Variants in VPS52 observed in about 807,000 individuals in gnomAD.
VPS52 encodes the protein vacuolar protein sorting-associated protein 52 homolog.
VPS52 carries 56 observed loss-of-function variants against 98.7 expected under a neutral mutation model. The observed-to-expected ratio is 0.57, with a 90% CI of 0.46 to 0.71. The LOEUF (loss-of-function observed/expected upper bound fraction) is 0.71. VPS52 is among the 30% of genes least tolerant of loss of function. The probability of loss-of-function intolerance (pLI) is 0.00; values close to 1 mark genes in which losing one functional copy is unlikely to be tolerated. For missense variants in VPS52, 742 were observed against 925.9 expected (o/e 0.80, Z 2.58); for synonymous variants, 348 against 346.4 (o/e 1.00, Z -0.05).
rs1397389416 is a variant in VPS52, at chr6:33,267,543, G to A, written c.991+139C>T. 8.2e-7 allele frequency: 1 copy of A among 1,223,418 alleles called. No individual in the cohort carries two copies. The highest frequency in any genetic ancestry group is 1.2e-6 in the Non-Finnish European group (1 of 867,760). 75.8% of individuals were successfully genotyped at this position (1,223,418 alleles called of 1,614,324 possible). On this transcript the variant is annotated intron_variant, in intron 10 of 19. Transcript: ENST00000445902. This position sits in a 1 kb window ranked among gnomAD's most constrained non-coding sequence, Gnocchi z 4.2. ...AAAATAATGTGTGCATCTTTCTGGGGAGGGAGGCTATAGCTTTCATCACAT... is the reference window on the plus strand; with the variant it reads ...AAAATAATGTGTGCATCTTTCTGGGAAGGGAGGCTATAGCTTTCATCACAT...
At position 33,267,732 on chromosome 6, in the gene VPS52, T is replaced by C; in HGVS notation, c.941A>G (p.Glu314Gly). The change falls in exon 10 of 20, where the codon GAA (glutamate) becomes GGA (glycine). Residue 314 changes from glutamate to glycine, a missense_variant. Physicochemically the swap from Glu to Gly is moderately conservative, Grantham distance 98. Around this residue, in one of 2 missense-constraint regions of VPS52, gnomAD observed 590 missense variants for 793.3 expected, o/e 0.74. Transcript: ENST00000445902. This position sits in a 1 kb window ranked among gnomAD's most constrained non-coding sequence, Gnocchi z 4.2. ...CATTAGATCATCTTTCTCAGCGACT[T>C]CCTCATACTAAGGAAAGAGAAAAGA... The part of the protein sequence containing the change: ...LGRLMKVQYE[E>G]VAEKDDLMGV... 1 of 1,612,988 alleles carries C rather than the reference T, an allele frequency of 6.2e-7. No homozygotes were observed. The highest frequency in any genetic ancestry group is 8.5e-7 in the Non-Finnish European group (1 of 1,180,024).
At position 33,250,712 on chromosome 6, in the gene VPS52, G is replaced by C; in HGVS notation, c.*129C>G. 1.6e-6 allele frequency: 2 copies of C among 1,272,432 alleles called. No homozygotes were observed. The highest frequency in any genetic ancestry group is 2.2e-6 in the Non-Finnish European group (2 of 919,762). 78.8% of individuals were successfully genotyped at this position (1,272,432 alleles called of 1,614,324 possible). ...GGCAAGGTGCTGGGAGTGAAGGCAG[G>C]TAAGCCATGTCAAGGGCCTGGGAAG... On this transcript the variant is annotated 3_prime_UTR_variant, in exon 20 of 20. Coordinates refer to ENST00000445902, the MANE Select transcript of VPS52 (RefSeq NM_022553.6).
At chr6:33,255,763 T>C (rs1581561347) in intron 17 of VPS52, among the ~76,000 whole-genome samples, 1 of 134,680 alleles carries the variant, frequency 7.4e-6, no homozygotes, top group Non-Finnish European at 1.5e-5. Flanking sequence ...ACTGCACCAC[T>C]CCAGCCTGGG....
At chr6:33,252,572 G>A (rs1258873801) in intron 17 of VPS52, among the ~76,000 whole-genome samples, 5 of 118,576 alleles carry the variant, frequency 4.2e-5, no homozygotes, top group African/African-American at 1.7e-4. Flanking sequence ...CTGGATGACA[G>A]AGCAAGACTC....
At chr6:33,265,992 G>T (rs997127637) in intron 12 of VPS52, among the ~76,000 whole-genome samples, 1 of 151,248 alleles carries the variant, frequency 6.6e-6, no homozygotes, top group Non-Finnish European at 1.5e-5. Flanking sequence ...TCAGCCTCCC[G>T]AGTAGCTGGG....
upstream of VPS52, chr6:33,271,946 T>A: frequency 9.5e-7 from 1 of 1,049,518 alleles, no homozygotes. Flanking sequence ...CACCGGAAGT[T>A]GTGGTACCCA....
In VPS52 at chr6:33,267,305, T is replaced by C; in HGVS notation, c.1008A>G (p.Pro336=). 6.3e-6 allele frequency: 10 copies of C among 1,594,532 alleles called. No individual in the cohort carries two copies. Among genetic ancestry groups the C allele is most frequent in the Non-Finnish European group, 8.5e-6 (10 of 1,170,802 alleles). ...AAATGGTGTTCCTGCTGCGGAGCGA[T>C]GGCTTTGAGAAGAATCGTAAGATGG... The part of the protein sequence containing the change: ...DTAKKGFFSK[P]SLRSRNTIFT... Residue 336 remains proline (P), a synonymous_variant, in exon 11 of 20, where the codon CCA becomes CCG. Coordinates refer to ENST00000445902, the MANE Select transcript of VPS52 (RefSeq NM_022553.6). The surrounding 1 kb of genome is among the most constrained non-coding windows in gnomAD (Gnocchi z 4.2).
chr6:33,257,556 G>A (rs927350054), intron 17 of VPS52, among the ~76,000 whole-genome samples: 6 of 151,956 alleles, frequency 3.9e-5, no homozygotes, highest in African/African-American at 9.7e-5. Flanking sequence ...GCATCACCAC[G>A]CCCAGCTAAT....
rs192870919 is a variant in VPS52, at chr6:33,266,996, C to T, written c.1125+192G>A. Among the ~76,000 whole-genome samples, 452 of 152,288 alleles carry T rather than the reference C, an allele frequency of 3.0e-3. 2 individuals carry two copies. The highest frequency in any genetic ancestry group is 6.8e-3 in the Middle Eastern group (2 of 292). ...CCCCTCATCCAGTCTCTCCCCTCTGCATGCCCTTAAGTCAATGGTTCCCAG... is the reference window on the plus strand; with the variant it reads ...CCCCTCATCCAGTCTCTCCCCTCTGTATGCCCTTAAGTCAATGGTTCCCAG... On this transcript the variant is annotated intron_variant, in intron 11 of 19. Coordinates refer to ENST00000445902, the MANE Select transcript of VPS52 (RefSeq NM_022553.6).
Position 33,269,003 on chromosome 6 carries a change from T to C in VPS52, c.548+11A>G, listed in dbSNP as rs1764671708. ...CTATGGACATTATAACCCTTCAAAC[T>C]GGTAACTCACGTGACCAGAGCAGAA... is the stretch of plus-strand genomic sequence containing the variant. On this transcript the variant is annotated intron_variant, in intron 6 of 19. Transcript: ENST00000445902. The C allele has an allele frequency of 6.2e-7, 1 of 1,611,510 alleles. No individual in the cohort carries two copies. The highest frequency in any genetic ancestry group is 1.7e-5 in the Admixed American group (1 of 59,996).
Position 33,268,052 on chromosome 6 carries a change from C to T in VPS52, c.801-55G>A. On this transcript the variant is annotated intron_variant, in intron 8 of 19. Coordinates refer to ENST00000445902, the MANE Select transcript of VPS52 (RefSeq NM_022553.6). The surrounding 1 kb of genome is among the most constrained non-coding windows in gnomAD (Gnocchi z 4.0). ...TGTCTCCCAAGAAACCAGATGCCCA[C>T]ACTAGGCCGCTCAAAAACTCAAAGG... 5.6e-6 allele frequency: 9 copies of T among 1,612,974 alleles called. No homozygotes were observed. The highest frequency in any genetic ancestry group is 6.8e-6 in the Non-Finnish European group (8 of 1,179,960).
At chr6:33,257,778 C>T (rs917374567) in intron 17 of VPS52, among the ~76,000 whole-genome samples, 9 of 152,058 alleles carry the variant, frequency 5.9e-5, no homozygotes, top group African/African-American at 9.7e-5. Context: ...GAGGCTGATG[C>T]GGGAGGATCA....
In VPS52 at chr6:33,250,722, T is replaced by C; in HGVS notation, c.*119A>G. On this transcript the variant is annotated 3_prime_UTR_variant, in exon 20 of 20. Coordinates refer to ENST00000445902, the MANE Select transcript of VPS52 (RefSeq NM_022553.6). ...TGGGAGTGAAGGCAGGTAAGCCATG[T>C]CAAGGGCCTGGGAAGCAAGGGGAAA... 1 of 1,397,808 alleles carries C rather than the reference T, an allele frequency of 7.2e-7. No individual in the cohort carries two copies. Among genetic ancestry groups the C allele is most frequent in the Non-Finnish European group, 9.7e-7 (1 of 1,028,026 alleles). The allele number at this position is 1,397,808 out of a possible 1,614,324, so 86.6% of individuals were successfully genotyped here. A position where few individuals can be genotyped will look rare whatever the true frequency, so the allele number is the denominator to read the frequency against.
chr6:33,254,349 A>G (rs535288625), intron 17 of VPS52, among the ~76,000 whole-genome samples: 1 of 152,270 alleles, frequency 6.6e-6, no homozygotes, highest in Admixed American at 6.5e-5. Flanking sequence ...ACTTATATCC[A>G]CTGAGGGTGT....
Position 33,267,183 on chromosome 6 carries a change from C to T in VPS52, c.1125+5G>A, listed in dbSNP as rs918814746. 1.3e-6 allele frequency: 2 copies of T among 1,497,738 alleles called. No individual in the cohort carries two copies. Among genetic ancestry groups the T allele is most frequent in the African/African-American group, 2.8e-5 (2 of 71,074 alleles). The allele number at this position is 1,497,738 out of a possible 1,614,324, so 92.8% of individuals were successfully genotyped here. A position where few individuals can be genotyped will look rare whatever the true frequency, so the allele number is the denominator to read the frequency against. On this transcript the variant is annotated splice_donor_5th_base_variant and intron_variant, in intron 11 of 19. Coordinates refer to ENST00000445902, the MANE Select transcript of VPS52 (RefSeq NM_022553.6). This position sits in a 1 kb window ranked among gnomAD's most constrained non-coding sequence, Gnocchi z 4.2. ...TTCGTGACTGAAGCTTGTTCCTCCT[C>T]ATACCCTCTGCTCTCCGCGCTGCGC...
Position 33,263,873 on chromosome 6 carries a change from C to G in VPS52, c.1627G>C (p.Val543Leu). 1 of 1,614,198 alleles carries G rather than the reference C, an allele frequency of 6.2e-7. No individual in the cohort carries two copies. Among genetic ancestry groups the G allele is most frequent in the Non-Finnish European group, 8.5e-7 (1 of 1,180,030 alleles). ...GCCACTCGGAGGACAAAATTCTCCACCTCCACCTGAAAAGGCAGAGAGGAA... is the reference window on the plus strand; with the variant it reads ...GCCACTCGGAGGACAAAATTCTCCAGCTCCACCTGAAAAGGCAGAGAGGAA... ...MQLLGQLQVE[V>L]ENFVLRVAAE... The change falls in exon 16 of 20, where the codon GTG (valine) becomes CTG (leucine). Residue 543 changes from valine to leucine, a missense_variant. Physicochemically the swap from Val to Leu is conservative, Grantham distance 32 (BLOSUM62 1). Transcript: ENST00000445902.
At position 33,267,125 on chromosome 6, in the gene VPS52, T is replaced by C. The variant is rs954130830; in HGVS notation, c.1125+63A>G. 19 of 1,449,604 alleles carry C rather than the reference T, an allele frequency of 1.3e-5. No individual in the cohort carries two copies. The highest frequency in any genetic ancestry group is 1.7e-5 in the Non-Finnish European group (19 of 1,099,530). The allele number at this position is 1,449,604 out of a possible 1,614,324, so 89.8% of individuals were successfully genotyped here. A position where few individuals can be genotyped will look rare whatever the true frequency, so the allele number is the denominator to read the frequency against. ...GGTTGGGAAGCTCTGCCCTGAGGTCTGGCCTTCCCTCCCCACCGTGCTCAG... is the reference window on the plus strand; with the variant it reads ...GGTTGGGAAGCTCTGCCCTGAGGTCCGGCCTTCCCTCCCCACCGTGCTCAG... On this transcript the variant is annotated intron_variant, in intron 11 of 19. Coordinates refer to ENST00000445902, the MANE Select transcript of VPS52 (RefSeq NM_022553.6). This position sits in a 1 kb window ranked among gnomAD's most constrained non-coding sequence, Gnocchi z 4.2.
chr6:33,266,978 T>C (rs189314421), intron 11 of VPS52, among the ~76,000 whole-genome samples: 7 of 152,212 alleles, frequency 4.6e-5, no homozygotes, highest in African/African-American at 1.7e-4. Context: ...ATTCCCCTCA[T>C]CCAGTCTCTC....
At chr6:33,257,296 A>G (rs973475313) in intron 17 of VPS52, among the ~76,000 whole-genome samples, 8 of 152,186 alleles carry the variant, frequency 5.3e-5, no homozygotes, top group Non-Finnish European at 8.8e-5. Context: ...TGGCCTCCCA[A>G]AGTGCTGGGA....
Sources: gnomAD v4.1 joint callset for allele counts (sites outside exome capture counted in the v4.1 genomes callset) on GRCh38, gnomAD v4.1.1 for gene constraint, gnomAD v4.1.1 regional missense constraint, Gnocchi (gnomAD v3.1) non-coding constraint, MANE v1.5 for transcripts, NCBI Gene and HGNC (gene_info 2026-07-23, HGNC 2026-07-21) for gene names.